Variants in TAMM41 observed in about 807,000 individuals in gnomAD.
The protein encoded by TAMM41 is phosphatidate cytidylyltransferase, mitochondrial.
TAMM41 carries 36 observed loss-of-function variants against 44.1 expected under a neutral mutation model. The ratio of observed to expected loss-of-function variants is 0.82; its 90% CI spans 0.63 to 1.08. TAMM41 has a LOEUF of 1.08. Among genes scored for constraint, TAMM41 ranks in the 50% least tolerant of loss-of-function variants. The probability of loss-of-function intolerance (pLI) is 0.00; values close to 1 mark genes in which losing one functional copy is unlikely to be tolerated. For missense variants in TAMM41, 417 were observed against 404.3 expected, an observed-to-expected ratio of 1.03 and a Z score of -0.27; for synonymous variants, 164 against 153.1, an observed-to-expected ratio of 1.07 and a Z score of -0.53.
intron 3 of TAMM41, among the ~76,000 whole-genome samples, chr3:11,838,503 C>T (rs1411055539): frequency 6.6e-6 from 1 of 152,182 alleles, no homozygotes; most frequent in Non-Finnish European, 1.5e-5. Flanking sequence ...CAGGTGTGAG[C>T]CACCACACCC....
chr3:11,727,667 C>T, the TAMM41 span, among the ~76,000 whole-genome samples: 2 of 151,986 alleles, frequency 1.3e-5, no homozygotes, highest in African/African-American at 2.4e-5. Flanking sequence ...AGTTTTGCCA[C>T]GTTGCCCAGG....
At chr3:11,843,434 A>G (rs2079536578) in intron 2 of TAMM41, 1 of 152,508 alleles carries the variant, frequency 6.6e-6, no homozygotes, top group South Asian at 2.1e-4. Context: ...TTGGCCAAAG[A>G]CAAAAAAATA....
At chr3:11,786,615 T>C (rs1030410421), downstream of TAMM41, among the ~76,000 whole-genome samples, 2 of 151,942 alleles carry the variant, frequency 1.3e-5, no homozygotes, top group Admixed American at 6.6e-5. Context: ...TTCTATTTAT[T>C]ATACTTAGGG....
At chr3:11,754,678 T>TAA in the TAMM41 span, among the ~76,000 whole-genome samples, 3 of 151,444 alleles carry the variant, frequency 2.0e-5, no homozygotes, top group East Asian at 5.8e-4. Flanking sequence ...CCACTAACTC[T>TAA]TTTTAACCTC....
At chr3:11,788,408 C>T (rs2077429253), downstream of TAMM41, among the ~76,000 whole-genome samples, 1 of 152,118 alleles carries the variant, frequency 6.6e-6, no homozygotes, top group Non-Finnish European at 1.5e-5. Context: ...GGTCCTCCCT[C>T]CCAAGTGGCT....
chr3:11,756,076 A>G, the TAMM41 span, among the ~76,000 whole-genome samples: 1 of 152,114 alleles, frequency 6.6e-6, no homozygotes, highest in Non-Finnish European at 1.5e-5. Flanking sequence ...CCATCTTACC[A>G]TGAGTGAAAT....
At chr3:11,745,432 C>A in the TAMM41 span, among the ~76,000 whole-genome samples, 1 of 152,088 alleles carries the variant, frequency 6.6e-6, no homozygotes, top group Non-Finnish European at 1.5e-5. Context: ...AAAGCAAATG[C>A]GCATTGATAA....
the TAMM41 span, among the ~76,000 whole-genome samples, chr3:11,760,057 A>G: frequency 2.0e-4 from 30 of 152,342 alleles, no homozygotes; most frequent in Middle Eastern, 3.4e-3. Flanking sequence ...CCTAATAATA[A>G]TATTTCCAAA....
chr3:11,817,071 A>C (rs918550114), intron 5 of TAMM41, 121 bp downstream of exon 5: 8 of 1,035,602 alleles, frequency 7.7e-6, no homozygotes, highest in African/African-American at 3.2e-5. Context: ...GTTTACATAC[A>C]GTACTTACTT....
At chr3:11,752,373 G>A in the TAMM41 span, among the ~76,000 whole-genome samples, 1 of 152,020 alleles carries the variant, frequency 6.6e-6, no homozygotes, top group East Asian at 1.9e-4. Context: ...GCTGGTGGGG[G>A]GTGGCCAGCT....
the TAMM41 span, among the ~76,000 whole-genome samples, chr3:11,743,247 T>TG: frequency 0.061 from 9,268 of 151,912 alleles, 335 homozygotes; most frequent in African/African-American, 0.1. Flanking sequence ...GAAAGTCCTG[T>TG]GGGGTGGTTT....
chr3:11,846,244 T>C (rs2079681320), intron 1 of TAMM41, among the ~76,000 whole-genome samples: 1 of 152,244 alleles, frequency 6.6e-6, no homozygotes, highest in Non-Finnish European at 1.5e-5. Context: ...TTTCTTCCAT[T>C]TGCCCCTGCA....
the TAMM41 span, among the ~76,000 whole-genome samples, chr3:11,768,418 G>A: frequency 1.6e-4 from 25 of 152,302 alleles, no homozygotes; most frequent in South Asian, 6.2e-4. Context: ...GATTACAGGC[G>A]TGAGCCACTG....
At chr3:11,792,007 G>C (rs181025177) in intron 7 of TAMM41, among the ~76,000 whole-genome samples, 1 of 152,140 alleles carries the variant, frequency 6.6e-6, no homozygotes, top group African/African-American at 2.4e-5. Context: ...GCCGAATACA[G>C]GTAGTTATAC....
rs555212542 is a variant in TAMM41 at position 11,808,810 on chromosome 3, C to A, written c.874+707G>T. On this transcript the variant is annotated intron_variant, in intron 6 of 7. Transcript: ENST00000455809. Reference sequence around the variant, plus strand: ...GTGCGATCCTAGCTCATTGCAGCCTCCAACTGCTCAAGCGATCCTCCCACC... The same window carrying A: ...GTGCGATCCTAGCTCATTGCAGCCTACAACTGCTCAAGCGATCCTCCCACC... 101 of 170,978 alleles carry A rather than the reference C, an allele frequency of 5.9e-4. 1 individual carries two copies. The highest frequency in any genetic ancestry group is 2.2e-3 in the African/African-American group (91 of 41,836). 10.6% of individuals were successfully genotyped at this position (170,978 alleles called of 1,614,324 possible).
At chr3:11,817,383 A>AGT (rs2078326527) in intron 4 of TAMM41, 46 bp from the exon 5 acceptor site, 1 of 1,571,586 alleles carries the variant, frequency 6.4e-7, no homozygotes, top group Admixed American at 1.7e-5. Flanking sequence ...AAGAATCCAC[A>AGT]CTCTCGACCT....
chr3:11,783,955 C>T, the TAMM41 span, among the ~76,000 whole-genome samples: 4 of 152,162 alleles, frequency 2.6e-5, no homozygotes, highest in Non-Finnish European at 5.9e-5. Flanking sequence ...ATACAAGAAA[C>T]ATTGCTCCAA....
At chr3:11,787,797 G>A (rs1464278605), downstream of TAMM41, among the ~76,000 whole-genome samples, 1 of 152,216 alleles carries the variant, frequency 6.6e-6, no homozygotes, top group African/African-American at 2.4e-5. Context: ...GCTGGAAAGA[G>A]TTGAGAACCA....
chr3:11,750,881 G>A, the TAMM41 span, among the ~76,000 whole-genome samples: 742 of 152,130 alleles, frequency 4.9e-3, 7 homozygotes, highest in African/African-American at 0.017. Flanking sequence ...GATGGGGCTC[G>A]CTCCTGTCCC....
Sources: gnomAD v4.1 joint callset for allele counts (sites outside exome capture counted in the v4.1 genomes callset) on GRCh38, gnomAD v4.1.1 for gene constraint, MANE v1.5 for transcripts, NCBI Gene and HGNC (gene_info 2026-07-23, HGNC 2026-07-21) for gene names.